SRPK2: variants seen among roughly 807,000 people sequenced by gnomAD.
The protein encoded by SRPK2 is SRSF protein kinase 2.
A neutral mutation model predicts 90.8 loss-of-function variants in SRPK2; 21 were observed. The observed-to-expected ratio is 0.23, with a 90% CI of 0.16 to 0.33. SRPK2 has a LOEUF of 0.33. Among genes scored for constraint, SRPK2 ranks in the 10% least tolerant of loss-of-function variants. SRPK2 has a pLI of 1.00. For missense variants in SRPK2, 620 were observed against 869.0 expected (o/e 0.71, Z 3.60); for synonymous variants, 288 against 311.1 (o/e 0.93, Z 0.78).
At chr7:105,182,887 A>G (rs1397672059) in intron 3 of SRPK2, among the ~76,000 whole-genome samples, 2 of 152,230 alleles carry the variant, frequency 1.3e-5, no homozygotes, top group Non-Finnish European at 2.9e-5. Flanking sequence ...TATCCCAAGT[A>G]GTATCATATA....
intron 2 of SRPK2, among the ~76,000 whole-genome samples, chr7:105,378,267 T>G (rs533374486): frequency 1.1e-4 from 16 of 152,148 alleles, no homozygotes; most frequent in Admixed American, 3.3e-4. Flanking sequence ...CCAGTTTGCT[T>G]TTAGATTACA....
rs397889533 is a variant in SRPK2, at chr7:105,292,497, CAAAAAAAAAAAA to C, written c.72-88724_72-88713del. 5.5e-3 allele frequency among the ~76,000 whole-genome samples: 414 copies of C among 74,800 alleles called. 5 individuals are homozygous for C. Among genetic ancestry groups the C allele is most frequent in the African/African-American group, 0.02 (390 of 19,194 alleles). The allele number at this position is 74,800 out of a possible 152,430, so 49.1% of individuals were successfully genotyped here. A position where few individuals can be genotyped will look rare whatever the true frequency, so the allele number is the denominator to read the frequency against. ...AGCCTGGGCGATAGAGTAAGACTCT[CAAAAAAAAAAAA>C]AAAAAAAAAAAAAAGAGCATAATAT... On this transcript the variant is annotated intron_variant, in intron 2 of 15. Transcript: ENST00000393651.
chr7:105,329,110 C>T (rs1420750369), intron 2 of SRPK2, among the ~76,000 whole-genome samples: 3 of 152,118 alleles, frequency 2.0e-5, no homozygotes, highest in Non-Finnish European at 4.4e-5. Context: ...TATTACTGAT[C>T]TATAGGGCCA....
intron 2 of SRPK2, among the ~76,000 whole-genome samples, chr7:105,211,554 G>A (rs1277812275): frequency 1.3e-5 from 2 of 152,096 alleles, no homozygotes; most frequent in African/African-American, 4.8e-5. Flanking sequence ...AGCAGTAACA[G>A]GAGTGAGAGT....
intron 2 of SRPK2, among the ~76,000 whole-genome samples, chr7:105,216,150 C>T (rs1299561363): frequency 1.3e-5 from 2 of 151,514 alleles, no homozygotes; most frequent in African/African-American, 2.4e-5. Context: ...GAATGGTATA[C>T]TTTAAATGGG....
intron 3 of SRPK2, among the ~76,000 whole-genome samples, chr7:105,176,504 A>C (rs1454605611): frequency 6.6e-6 from 1 of 152,010 alleles, no homozygotes; most frequent in Non-Finnish European, 1.5e-5. Flanking sequence ...AAAAGAAATA[A>C]AATTTATCTT....
At chr7:105,343,724 T>C (rs1816103477) in intron 2 of SRPK2, among the ~76,000 whole-genome samples, 1 of 152,228 alleles carries the variant, frequency 6.6e-6, no homozygotes, top group Admixed American at 6.5e-5. Flanking sequence ...CCATTTTTCA[T>C]AAATCTTTAT....
chr7:105,392,456 C>T (rs1158560267), upstream of SRPK2, among the ~76,000 whole-genome samples: 3 of 152,220 alleles, frequency 2.0e-5, no homozygotes, highest in Non-Finnish European at 2.9e-5. Flanking sequence ...GGTTGGCATC[C>T]ATTGATGATT....
At chr7:105,151,450 C>G (rs1805634091) in intron 7 of SRPK2, among the ~76,000 whole-genome samples, 1 of 152,214 alleles carries the variant, frequency 6.6e-6, no homozygotes, top group African/African-American at 2.4e-5. Context: ...GTCTAGCACA[C>G]AAGAAACTTA....
intron 2 of SRPK2, among the ~76,000 whole-genome samples, chr7:105,275,726 T>C (rs188270301): frequency 1.2e-3 from 189 of 152,126 alleles, no homozygotes; most frequent in African/African-American, 4.1e-3. Flanking sequence ...TGATGTCCCA[T>C]GGGGTGGTGC....
Position 105,117,352 on chromosome 7 carries a change from G to C in SRPK2, c.*486C>G, listed in dbSNP as rs1209260491. ...ATTTAATGGAAAGTAACATTTACAG[G>C]GTGCATTTACATACACTATAATACA... On this transcript the variant is annotated 3_prime_UTR_variant, in exon 16 of 16. Transcript: ENST00000393651. 6.5e-6 allele frequency: 1 copy of C among 154,194 alleles called. No homozygotes were observed. 9.6% of individuals were successfully genotyped at this position (154,194 alleles called of 1,614,324 possible). A position where few individuals can be genotyped will look rare whatever the true frequency, so the allele number is the denominator to read the frequency against.
At chr7:105,188,004 T>A (rs1227593513) in intron 3 of SRPK2, among the ~76,000 whole-genome samples, 1 of 152,150 alleles carries the variant, frequency 6.6e-6, no homozygotes, top group Non-Finnish European at 1.5e-5. Flanking sequence ...GATTACCATA[T>A]GACCCAGCAC....
At chr7:105,199,635 C>A (rs1422597189) in intron 3 of SRPK2, among the ~76,000 whole-genome samples, 2 of 151,882 alleles carry the variant, frequency 1.3e-5, no homozygotes, top group Non-Finnish European at 2.9e-5. Context: ...TGGGAAGAGC[C>A]CAGACTCTTA....
intron 2 of SRPK2, among the ~76,000 whole-genome samples, chr7:105,338,003 G>T (rs1815304926): frequency 6.6e-6 from 1 of 150,696 alleles, no homozygotes; most frequent in Non-Finnish European, 1.5e-5. Context: ...GTACTTAGGG[G>T]TTTCATATGC....
intron 13 of SRPK2, among the ~76,000 whole-genome samples, chr7:105,128,786 C>A (rs1801568589): frequency 6.6e-6 from 1 of 152,098 alleles, no homozygotes; most frequent in Non-Finnish European, 1.5e-5. Flanking sequence ...TGGACTCAAC[C>A]TCTTGGGCTC....
chr7:105,226,319 T>C (rs1194399438), intron 2 of SRPK2, among the ~76,000 whole-genome samples: 1 of 152,072 alleles, frequency 6.6e-6, no homozygotes, highest in Non-Finnish European at 1.5e-5. Flanking sequence ...AGAGTCTCAC[T>C]CACTCTATCA....
At chr7:105,388,528 C>A (rs1289378524) in intron 2 of SRPK2, 120 bp downstream of exon 2, 3 of 753,144 alleles carry the variant, frequency 4.0e-6, no homozygotes, top group Non-Finnish European at 5.5e-6. Flanking sequence ...CGAGCGCCAG[C>A]GTCCCGGGGG....
chr7:105,301,706 C>T (rs1189743921), intron 2 of SRPK2: 1 of 1,610,834 alleles, frequency 6.2e-7, no homozygotes, highest in Non-Finnish European at 8.5e-7. Context: ...CCAATTCTAT[C>T]TATGAACGCT....
At chr7:105,347,260 C>T (rs1816575259) in intron 2 of SRPK2, among the ~76,000 whole-genome samples, 1 of 151,936 alleles carries the variant, frequency 6.6e-6, no homozygotes, top group African/African-American at 2.4e-5. Context: ...CAGGGTCTTG[C>T]TATGTTGCCC....
Sources: gnomAD v4.1 joint callset for allele counts (sites outside exome capture counted in the v4.1 genomes callset) on GRCh38, gnomAD v4.1.1 for gene constraint, MANE v1.5 for transcripts, NCBI Gene and HGNC (gene_info 2026-07-23, HGNC 2026-07-21) for gene names.